The following TOX3 variants were observed in gnomAD, a reference collection of about 807,000 sequenced individuals.
The protein encoded by TOX3 is CAG trinucleotide repeat-containing gene F9 protein.
Under a neutral mutation model 64.3 loss-of-function variants are expected in TOX3, and 22 were observed. That is an observed-to-expected ratio of 0.34 (90% CI 0.24 to 0.49). The LOEUF is 0.49. Ranked by LOEUF, TOX3 falls within the 20% of genes least tolerant of loss-of-function variation. TOX3 has a pLI of 0.99. For missense variants in TOX3, 661 were observed against 714.4 expected, an observed-to-expected ratio of 0.93 and a Z score of 0.85; for synonymous variants, 291 against 273.6, an observed-to-expected ratio of 1.06 and a Z score of -0.63.
At chr16:52,527,300 C>T (rs887712111) in intron 1 of TOX3, among the ~76,000 whole-genome samples, 3 of 152,210 alleles carry the variant, frequency 2.0e-5, no homozygotes, top group Non-Finnish European at 4.4e-5. Flanking sequence ...AAACCCTCGA[C>T]ATATTGCTCC....
rs1190889103 is a variant in TOX3, at chr16:52,436,559, A to T, written c.*2666T>A. Among the ~76,000 whole-genome samples the T allele has an allele frequency of 6.6e-6, 1 of 152,234 alleles. No individual in the cohort carries two copies. The highest frequency in any genetic ancestry group is 1.9e-4 in the East Asian group (1 of 5,194). On this transcript the variant is annotated 3_prime_UTR_variant, in exon 7 of 7. Transcript: ENST00000219746. ...TATATAACATGCTTTGTGAATCCTG[A>T]AAACAATAATTTGGTAACAAGGTTG...
chr16:52,508,288 C>T (rs1486667583), intron 1 of TOX3, among the ~76,000 whole-genome samples: 1 of 152,084 alleles, frequency 6.6e-6, no homozygotes, highest in African/African-American at 2.4e-5. Context: ...AAGAGCATTC[C>T]CTAAAACCCA....
chr16:52,447,770 G>C (rs1045093608), intron 4 of TOX3, among the ~76,000 whole-genome samples: 1 of 152,142 alleles, frequency 6.6e-6, no homozygotes, highest in Non-Finnish European at 1.5e-5. Context: ...CTTTCAGTTA[G>C]AGCTTCACCT....
intron 1 of TOX3, among the ~76,000 whole-genome samples, chr16:52,486,884 T>C (rs961645362): frequency 5.3e-5 from 8 of 152,080 alleles, no homozygotes; most frequent in Non-Finnish European, 1.0e-4. Flanking sequence ...TGTATTAAGA[T>C]ATGATTGTAC....
intron 1 of TOX3, among the ~76,000 whole-genome samples, chr16:52,502,728 A>G (rs921228753): frequency 6.6e-6 from 1 of 152,218 alleles, no homozygotes; most frequent in Non-Finnish European, 1.5e-5. Flanking sequence ...ATGATATCCT[A>G]AAGAGCAATG....
intron 1 of TOX3, among the ~76,000 whole-genome samples, chr16:52,492,448 C>A (rs1961714015): frequency 1.4e-5 from 2 of 140,048 alleles, no homozygotes; most frequent in African/African-American, 2.6e-5. Flanking sequence ...GAAAAATGAC[C>A]AATATTTATA....
At chr16:52,493,401 G>A (rs1477365639) in intron 1 of TOX3, among the ~76,000 whole-genome samples, 1 of 152,064 alleles carries the variant, frequency 6.6e-6, no homozygotes, top group Non-Finnish European at 1.5e-5. Context: ...CCATAAATTG[G>A]ACCATAAAAT....
At chr16:52,461,390 G>C (rs1960682527) in intron 3 of TOX3, among the ~76,000 whole-genome samples, 1 of 152,074 alleles carries the variant, frequency 6.6e-6, no homozygotes. Context: ...TTTGAAATGT[G>C]AATGCTAATC....
intron 3 of TOX3, among the ~76,000 whole-genome samples, chr16:52,460,944 A>C (rs1960669505): frequency 6.6e-6 from 1 of 152,188 alleles, no homozygotes; most frequent in Non-Finnish European, 1.5e-5. Flanking sequence ...CTTCATTACA[A>C]GTATTGCATG....
rs1567360905 is a variant in TOX3 at position 52,546,773 on chromosome 16, CG to C, written c.-51del. Reference sequence around the variant, plus strand: ...GGCCGGGACTGGGGTTCGCCGGGGCCGGGACCCGCCTCCTCGCCGCCGCTAG... The same window carrying C: ...GGCCGGGACTGGGGTTCGCCGGGGCCGGACCCGCCTCCTCGCCGCCGCTAG... On this transcript the variant is annotated 5_prime_UTR_variant, in exon 1 of 7. Coordinates refer to ENST00000219746, the MANE Select transcript of TOX3 (RefSeq NM_001080430.4). 7.0e-7 allele frequency: 1 copy of C among 1,435,208 alleles called. No individual in the cohort carries two copies. Among genetic ancestry groups the C allele is most frequent in the Non-Finnish European group, 9.1e-7 (1 of 1,094,784 alleles). 88.9% of individuals were successfully genotyped at this position (1,435,208 alleles called of 1,614,324 possible).
chr16:52,444,609 A>G (rs1196472106), intron 5 of TOX3: 6 of 349,650 alleles, frequency 1.7e-5, no homozygotes, highest in Non-Finnish European at 2.5e-5. Flanking sequence ...CAAATAAGAA[A>G]AAGATTTCTG....
chr16:52,486,612 T>A (rs1012889155), intron 1 of TOX3, among the ~76,000 whole-genome samples: 2 of 152,104 alleles, frequency 1.3e-5, no homozygotes, highest in Non-Finnish European at 2.9e-5. Flanking sequence ...GAGGGCCTGC[T>A]ATGGCCAAGG....
At chr16:52,457,754 G>A (rs1003853378) in intron 3 of TOX3, among the ~76,000 whole-genome samples, 8 of 152,172 alleles carry the variant, frequency 5.3e-5, no homozygotes, top group African/African-American at 1.4e-4. Context: ...AATGGACCCT[G>A]ACACAGTAAT....
At chr16:52,517,666 G>A (rs1216302994) in intron 1 of TOX3, among the ~76,000 whole-genome samples, 1 of 152,158 alleles carries the variant, frequency 6.6e-6, no homozygotes, top group African/African-American at 2.4e-5. Flanking sequence ...GCCCTCTGCA[G>A]TGATGCCCCA....
chr16:52,512,501 T>C (rs1415494364), intron 1 of TOX3, among the ~76,000 whole-genome samples: 1 of 152,220 alleles, frequency 6.6e-6, no homozygotes, highest in East Asian at 1.9e-4. Context: ...CATGATCCCA[T>C]GCCAGGCACG....
intron 1 of TOX3, among the ~76,000 whole-genome samples, chr16:52,537,118 T>C (rs1372632601): frequency 6.6e-6 from 1 of 152,088 alleles, no homozygotes. Flanking sequence ...GAAAATATCT[T>C]CTCATTAGCC....
At chr16:52,520,448 G>A (rs891174492) in intron 1 of TOX3, among the ~76,000 whole-genome samples, 3 of 152,138 alleles carry the variant, frequency 2.0e-5, no homozygotes, top group Admixed American at 6.5e-5. Context: ...TGTTCTGCTC[G>A]TGTTAATAGA....
chr16:52,519,464 C>G lies in TOX3; in HGVS notation c.87+27173G>C, dbSNP rs911716033. On this transcript the variant is annotated intron_variant, in intron 1 of 6. Transcript: ENST00000219746. Reference sequence around the variant, plus strand: ...CTCCTCAATGCGCCTGGCTCCCGAGCGAGGTTGGCACTTCATCCTCCACTA... The same window carrying G: ...CTCCTCAATGCGCCTGGCTCCCGAGGGAGGTTGGCACTTCATCCTCCACTA... 54 of 1,551,288 alleles carry G rather than the reference C, an allele frequency of 3.5e-5. No homozygotes were observed. In the East Asian group the frequency reaches 1.3e-3, roughly 38 times the overall value.
Position 52,546,751 on chromosome 16 carries a change from C to T in TOX3, c.-28G>A. 2 of 1,494,866 alleles carry T rather than the reference C, an allele frequency of 1.3e-6. No homozygotes were observed. Among genetic ancestry groups the T allele is most frequent in the East Asian group, 5.5e-5 (2 of 36,494 alleles). 92.6% of individuals were successfully genotyped at this position (1,494,866 alleles called of 1,614,324 possible). A position where few individuals can be genotyped will look rare whatever the true frequency, so the allele number is the denominator to read the frequency against. Reference sequence around the variant, plus strand: ...CGAAGCTGGGCCCGGGGCCGGGGGCCGGGACTGGGGTTCGCCGGGGCCGGG... The same window carrying T: ...CGAAGCTGGGCCCGGGGCCGGGGGCTGGGACTGGGGTTCGCCGGGGCCGGG... On this transcript the variant is annotated 5_prime_UTR_variant, in exon 1 of 7. Coordinates refer to ENST00000219746, the MANE Select transcript of TOX3 (RefSeq NM_001080430.4).
Sources: gnomAD v4.1 joint callset for allele counts (sites outside exome capture counted in the v4.1 genomes callset) on GRCh38, gnomAD v4.1.1 for gene constraint, MANE v1.5 for transcripts, NCBI Gene and HGNC (gene_info 2026-07-23, HGNC 2026-07-21) for gene names.